KANSL1L: variants seen among roughly 807,000 people sequenced by gnomAD.
KANSL1L encodes KAT8 regulatory NSL complex subunit 1-like protein.
Under a neutral mutation model 108.6 loss-of-function variants are expected in KANSL1L, and 25 were observed. That is an observed-to-expected ratio of 0.23 (90% CI 0.17 to 0.32). The LOEUF (loss-of-function observed/expected upper bound fraction) is 0.32, where lower values mean the gene tolerates loss of function less well. KANSL1L is among the 10% of genes least tolerant of loss of function. KANSL1L has a pLI of 1.00. For missense variants in KANSL1L, 1,137 were observed against 1,125.7 expected, an observed-to-expected ratio of 1.01 and a Z score of -0.14; for synonymous variants, 405 against 395.1, an observed-to-expected ratio of 1.03 and a Z score of -0.30.
chr2:210,100,740 T>G (rs577406264), intron 4 of KANSL1L, among the ~76,000 whole-genome samples: 1 of 152,152 alleles, frequency 6.6e-6, no homozygotes, highest in Non-Finnish European at 1.5e-5. Flanking sequence ...TGGGCTCAAG[T>G]GATCCTTCCA....
chr2:210,144,892 C>A (rs1289969418), intron 2 of KANSL1L, among the ~76,000 whole-genome samples: 1 of 151,720 alleles, frequency 6.6e-6, no homozygotes, highest in Non-Finnish European at 1.5e-5. Context: ...TTTCACGTTG[C>A]TTGTTACTTT....
At chr2:210,037,977 C>G (rs573563181) in intron 8 of KANSL1L, among the ~76,000 whole-genome samples, 1 of 152,026 alleles carries the variant, frequency 6.6e-6, no homozygotes, top group African/African-American at 2.4e-5. Context: ...TATTTCTACA[C>G]GACTATAATT....
At chr2:210,052,898 G>A (rs948207833) in intron 6 of KANSL1L, among the ~76,000 whole-genome samples, 3 of 152,204 alleles carry the variant, frequency 2.0e-5, no homozygotes, top group African/African-American at 7.2e-5. Context: ...TATTGTACAT[G>A]AGGCTCTATT....
At chr2:210,048,127 T>C (rs1302254662) in intron 6 of KANSL1L, among the ~76,000 whole-genome samples, 1 of 152,144 alleles carries the variant, frequency 6.6e-6, no homozygotes, top group Non-Finnish European at 1.5e-5. Context: ...GAGGAAAACA[T>C]TGGTCAAAAA....
At chr2:210,116,708 C>T (rs968083834) in intron 3 of KANSL1L, among the ~76,000 whole-genome samples, 6 of 152,150 alleles carry the variant, frequency 3.9e-5, no homozygotes, top group Non-Finnish European at 5.9e-5. Context: ...ACTGCAGTGA[C>T]CAATGAATTA....
At chr2:210,038,041 G>C (rs1304835764) in intron 8 of KANSL1L, among the ~76,000 whole-genome samples, 1 of 151,992 alleles carries the variant, frequency 6.6e-6, no homozygotes, top group Non-Finnish European at 1.5e-5. Flanking sequence ...AACATTCTTT[G>C]ATAAGTAGGT....
chr2:210,168,780 T>C (rs1688145956), intron 1 of KANSL1L, among the ~76,000 whole-genome samples: 2 of 152,078 alleles, frequency 1.3e-5, no homozygotes, highest in Admixed American at 1.3e-4. Context: ...TAATAGTATA[T>C]TACTAACAAT....
chr2:210,104,590 A>T (rs2094828048), intron 3 of KANSL1L, among the ~76,000 whole-genome samples: 1 of 152,160 alleles, frequency 6.6e-6, no homozygotes, highest in Non-Finnish European at 1.5e-5. Context: ...ATATTAAAAT[A>T]AAAAAAGGCA....
At chr2:210,099,952 C>A (rs2094777175) in intron 4 of KANSL1L, among the ~76,000 whole-genome samples, 1 of 152,146 alleles carries the variant, frequency 6.6e-6, no homozygotes, top group Non-Finnish European at 1.5e-5. Flanking sequence ...ACTAGCTATT[C>A]ATAACAAGAT....
intron 3 of KANSL1L, among the ~76,000 whole-genome samples, chr2:210,118,496 G>GA (rs2094980223): frequency 7.1e-6 from 1 of 141,322 alleles, no homozygotes; most frequent in Non-Finnish European, 1.5e-5. Context: ...AAAAACAGAA[G>GA]AAAAAATAGA....
In KANSL1L at chr2:210,093,143, G is replaced by C. The variant is rs183953733; in HGVS notation, c.1550+4943C>G. 1.5e-3 allele frequency among the ~76,000 whole-genome samples: 230 copies of C among 152,056 alleles called. 1 individual carries two copies. The highest frequency in any genetic ancestry group is 8.5e-3 in the South Asian group (41 of 4,822). On this transcript the variant is annotated intron_variant, in intron 5 of 14. Transcript: ENST00000281772. ...GCTTTGACCTATGTTCATTTTTGCT[G>C]TTGTTGTTGTTGTTGTTTTTGAGAC...
chr2:210,032,488 C>G (rs2094032117), intron 8 of KANSL1L: 1 of 152,220 alleles, frequency 6.6e-6, no homozygotes, highest in Admixed American at 6.5e-5. Context: ...TGTGACGCCA[C>G]TAAAGGTGCT....
intron 5 of KANSL1L, among the ~76,000 whole-genome samples, chr2:210,078,721 C>T (rs2094559287): frequency 6.6e-6 from 1 of 152,050 alleles, no homozygotes; most frequent in African/African-American, 2.4e-5. Context: ...GAAAGCAAAA[C>T]ATGAGGAAAA....
At chr2:210,097,479 T>A (rs759742351) in intron 5 of KANSL1L, 12 of 199,658 alleles carry the variant, frequency 6.0e-5, no homozygotes, top group Non-Finnish European at 9.9e-5. Context: ...AATTTTATCT[T>A]CAAAAGGAAA....
chr2:210,041,858 T>C (rs1490990349), intron 7 of KANSL1L, among the ~76,000 whole-genome samples: 4 of 152,222 alleles, frequency 2.6e-5, no homozygotes, highest in African/African-American at 9.6e-5. Context: ...ATGAGTATCA[T>C]CATGGAGTTT....
chr2:210,039,649 G>C (rs917561949), intron 8 of KANSL1L, among the ~76,000 whole-genome samples: 6 of 151,686 alleles, frequency 4.0e-5, no homozygotes, highest in African/African-American at 1.5e-4. Context: ...TTGCTTCCAA[G>C]CATAGAACTC....
intron 2 of KANSL1L, among the ~76,000 whole-genome samples, chr2:210,129,994 A>AG: frequency 6.6e-6 from 1 of 151,598 alleles, no homozygotes; most frequent in East Asian, 1.9e-4. Flanking sequence ...AGATTGCAAA[A>AG]AAAAAAAAAA....
intron 2 of KANSL1L, among the ~76,000 whole-genome samples, chr2:210,145,870 G>A (rs1415664440): frequency 6.6e-6 from 1 of 152,128 alleles, no homozygotes; most frequent in Non-Finnish European, 1.5e-5. Flanking sequence ...TGGGTATGCG[G>A]CCATGGAGCC....
chr2:210,111,501 G>A (rs1249037353), intron 3 of KANSL1L, among the ~76,000 whole-genome samples: 2 of 152,082 alleles, frequency 1.3e-5, no homozygotes, highest in Non-Finnish European at 2.9e-5. Context: ...GAGATTGACC[G>A]CAAAGAGGAA....
Sources: allele counts gnomAD v4.1 joint callset (sites outside exome capture counted in the v4.1 genomes callset), GRCh38; gene constraint gnomAD v4.1.1; transcripts MANE v1.5; gene names NCBI Gene and HGNC (gene_info 2026-07-23, HGNC 2026-07-21).